The following DNER variants were observed in gnomAD, a reference collection of about 807,000 sequenced individuals.
The protein encoded by DNER is delta/notch like EGF repeat containing.
In DNER, 33 loss-of-function variants were observed where a neutral mutation model predicts 78.2. The observed-to-expected ratio is 0.42, with a 90% CI of 0.32 to 0.56. The LOEUF (loss-of-function observed/expected upper bound fraction) is 0.56. Among genes scored for constraint, DNER ranks in the 20% least tolerant of loss-of-function variants. The probability of loss-of-function intolerance (pLI) is 0.11; values close to 1 mark genes in which losing one functional copy is unlikely to be tolerated. For missense variants in DNER, 918 were observed against 975.3 expected (o/e 0.94, Z 0.78); for synonymous variants, 417 against 384.8 (o/e 1.08, Z -0.98).
chr2:229,547,230 A>G, intron 4 of DNER, 138 bp from the exon 5 acceptor site: 1 of 1,224,894 alleles, frequency 8.2e-7, no homozygotes. Context: ...AACAAAATGC[A>G]GTGAGGCAAG....
At chr2:229,413,116 T>C (rs1472565535) in intron 9 of DNER, among the ~76,000 whole-genome samples, 2 of 152,078 alleles carry the variant, frequency 1.3e-5, no homozygotes, top group African/African-American at 2.4e-5. Flanking sequence ...TGAAAAGAAT[T>C]CCCTTCTCAT....
At chr2:229,595,745 G>A (rs553249104) in intron 1 of DNER, among the ~76,000 whole-genome samples, 20 of 152,248 alleles carry the variant, frequency 1.3e-4, no homozygotes, top group South Asian at 1.2e-3. Context: ...CCTTTGCACC[G>A]GCAGTACCCT....
intron 11 of DNER, among the ~76,000 whole-genome samples, chr2:229,386,385 CAA>C (rs1692866463): frequency 6.6e-6 from 1 of 152,154 alleles, no homozygotes; most frequent in African/African-American, 2.4e-5. Context: ...AAAACCTAGG[CAA>C]TACCATTCAG....
At chr2:229,615,013 T>A (rs1042712159) in intron 1 of DNER, among the ~76,000 whole-genome samples, 9 of 152,172 alleles carry the variant, frequency 5.9e-5, no homozygotes, top group Non-Finnish European at 2.9e-5. Context: ...CTTAGAAGGG[T>A]AAATGGGAAT....
chr2:229,591,816 CGCTGCT>C lies in DNER; in HGVS notation c.343_348del (p.Ser115_Ser116del), dbSNP rs376000556. ...TCATTGCAAATGCAGAGGTAGCCAT[CGCTGCT>C]GCTGCTGCTGCTGCTGCTGCAGTTG... On this transcript the variant is annotated inframe_deletion, in exon 2 of 13. Transcript: ENST00000341772. This position sits in a 1 kb window ranked among gnomAD's most constrained non-coding sequence, Gnocchi z 4.6. The C allele has an allele frequency of 9.3e-6, 15 of 1,611,308 alleles. No individual in the cohort carries two copies. The highest frequency in any genetic ancestry group is 1.3e-5 in the African/African-American group (1 of 74,752).
At position 229,511,782 on chromosome 2, in the gene DNER, T is replaced by C. The variant is rs147433646; in HGVS notation, c.1147+1001A>G. Among the ~76,000 whole-genome samples, 10 of 152,302 alleles carry C rather than the reference T, an allele frequency of 6.6e-5. No individual in the cohort carries two copies. The East Asian group carries it at 1.7e-3, about 26-fold the overall frequency. On this transcript the variant is annotated intron_variant, in intron 6 of 12. Transcript: ENST00000341772. ...GCCTCTATTGGGCTGAGAATATTAT[T>C]TTCCCTGAACAAAAATGGGGTAATG... is the stretch of plus-strand genomic sequence containing the variant.
chr2:229,689,026 T>C (rs1257426785), intron 1 of DNER, among the ~76,000 whole-genome samples: 2 of 152,034 alleles, frequency 1.3e-5, no homozygotes, highest in Non-Finnish European at 2.9e-5. Flanking sequence ...TCAGGAAAAA[T>C]AGCTAACGCA....
chr2:229,561,131 A>C (rs1198097817), intron 4 of DNER, among the ~76,000 whole-genome samples: 5 of 152,150 alleles, frequency 3.3e-5, no homozygotes, highest in Non-Finnish European at 7.4e-5. Context: ...ACCCACACAG[A>C]ATCTCTCATT....
chr2:229,708,498 G>C (rs977999538), intron 1 of DNER, among the ~76,000 whole-genome samples: 4 of 152,184 alleles, frequency 2.6e-5, no homozygotes, highest in African/African-American at 7.2e-5. Context: ...CCACATTGTC[G>C]GGTTTTCTGT....
At position 229,586,002 on chromosome 2, in the gene DNER, A is replaced by C. The variant is rs760027190; in HGVS notation, c.703T>G (p.Ser235Ala). 1.6e-5 allele frequency: 25 copies of C among 1,612,162 alleles called. No homozygotes were observed. In the South Asian group the frequency reaches 2.5e-4, roughly 16 times the overall value. Residue 235 changes from serine to alanine, a missense_variant, in exon 4 of 13, where the codon TCA becomes GCA. Transcript: ENST00000341772. The stretch of plus-strand genomic sequence containing the variant: ...GTGACCTTCCAGAGCAAAATCAGTG[A>C]GGCAGTGGCATCTTGCCGAATCCTG... Reference protein sequence around the residue: ...SVKIRQDATASLILLWKVTAT... With the variant: ...SVKIRQDATAALILLWKVTAT...
chr2:229,598,570 C>T (rs558844643), intron 1 of DNER, among the ~76,000 whole-genome samples: 2 of 140,430 alleles, frequency 1.4e-5, no homozygotes, highest in South Asian at 4.8e-4. Context: ...AACTACCTTA[C>T]ATTTTTTTAA....
intron 1 of DNER, among the ~76,000 whole-genome samples, chr2:229,642,395 C>T (rs866998960): frequency 2.0e-5 from 3 of 152,312 alleles, no homozygotes; most frequent in Middle Eastern, 3.4e-3. Context: ...CATCAATTCC[C>T]CCTGCAGTGA....
At chr2:229,425,242 T>A (rs1023326373) in intron 8 of DNER, among the ~76,000 whole-genome samples, 5 of 151,834 alleles carry the variant, frequency 3.3e-5, no homozygotes, top group African/African-American at 9.7e-5. Context: ...TAGAGCGGAG[T>A]AAGAAGGGAG....
intron 8 of DNER, among the ~76,000 whole-genome samples, chr2:229,430,613 C>T (rs1315949819): frequency 6.6e-6 from 1 of 152,012 alleles, no homozygotes; most frequent in Non-Finnish European, 1.5e-5. Context: ...GGAACTCGGA[C>T]TGGCTCTCTT....
At chr2:229,502,763 T>C (rs2154212006) in intron 6 of DNER, among the ~76,000 whole-genome samples, 1 of 152,308 alleles carries the variant, frequency 6.6e-6, no homozygotes, top group Non-Finnish European at 1.5e-5. Context: ...AGTGATAGTT[T>C]GATAGAGAAA....
At chr2:229,594,456 G>A (rs1469727628) in intron 1 of DNER, among the ~76,000 whole-genome samples, 1 of 152,050 alleles carries the variant, frequency 6.6e-6, no homozygotes, top group Non-Finnish European at 1.5e-5. Context: ...GCATGGTGGT[G>A]GGCACCTGTA....
chr2:229,360,031 G>A (rs982189364), intron 12 of DNER, among the ~76,000 whole-genome samples: 1 of 152,168 alleles, frequency 6.6e-6, no homozygotes, highest in African/African-American at 2.4e-5. Flanking sequence ...CATAGATGTG[G>A]GTCAGGCTCT....
chr2:229,504,643 T>G (rs1695698246), intron 6 of DNER, among the ~76,000 whole-genome samples: 1 of 152,234 alleles, frequency 6.6e-6, no homozygotes, highest in South Asian at 2.1e-4. Flanking sequence ...AATATTTATT[T>G]TATTATAAAG....
intron 1 of DNER, among the ~76,000 whole-genome samples, chr2:229,700,286 G>GTGTGTGTGCA (rs756283894): frequency 0.15 from 18,509 of 125,676 alleles, 1,523 homozygotes; most frequent in East Asian, 0.35. Flanking sequence ...GTCAATATAT[G>GTGTGTGTGCA]TGTGTGTGTG....
Sources: allele counts gnomAD v4.1 joint callset (sites outside exome capture counted in the v4.1 genomes callset), GRCh38; gene constraint gnomAD v4.1.1; non-coding constraint Gnocchi (gnomAD v3.1); transcripts MANE v1.5; gene names NCBI Gene and HGNC (gene_info 2026-07-23, HGNC 2026-07-21).